ELP4: variants seen among roughly 807,000 people sequenced by gnomAD.
ELP4 encodes the protein elongator acetyltransferase complex subunit 4, also known as elongator complex protein 4.
In ELP4, 51 loss-of-function variants were observed where a neutral mutation model predicts 48.9. The observed-to-expected ratio is 1.04, with a 90% CI of 0.83 to 1.32. The LOEUF (loss-of-function observed/expected upper bound fraction) is 1.32. Among genes scored for constraint, ELP4 ranks in the 40% most tolerant of loss-of-function variants. The pLI is 0.00. For synonymous variants in ELP4, 210 were observed against 189.2 expected (o/e 1.11, Z -0.90); for missense variants, 519 against 514.6 (o/e 1.01, Z -0.08).
rs1261284646 is a variant in ELP4 at position 31,627,164 on chromosome 11, T to A, written c.708T>A (p.Tyr236Ter). 6.2e-7 allele frequency: 1 copy of A among 1,602,564 alleles called. No individual in the cohort carries two copies. The highest frequency in any genetic ancestry group is 1.1e-5 in the South Asian group (1 of 89,738). Reference protein sequence around the residue: ...KLLQFIQNIIYEEGFDGSNPQ... With the variant: ...KLLQFIQNII ...TTCAGTTTATCCAGAACATCATTTA[T>A]GAGGAAGGATTTGATGGATCCAATC... is the stretch of plus-strand genomic sequence containing the variant. The change falls in exon 6 of 10, where the codon TAT (tyrosine) becomes TAA (stop). Residue 236 changes from tyrosine to a stop codon, truncating the protein, a stop_gained. Coordinates refer to ENST00000640961, the MANE Select transcript of ELP4 (RefSeq NM_019040.5). LOFTEE classifies it high-confidence loss of function.
In ELP4 at chr11:31,623,335, A is replaced by G. The variant is rs1013032714; in HGVS notation, c.654-3775A>G. Among the ~76,000 whole-genome samples, 19 of 126,778 alleles carry G rather than the reference A, an allele frequency of 1.5e-4. 1 individual carries two copies. Among genetic ancestry groups the G allele is most frequent in the African/African-American group, 5.3e-4 (19 of 35,552 alleles). 83.2% of individuals were successfully genotyped at this position (126,778 alleles called of 152,430 possible). A position where few individuals can be genotyped will look rare whatever the true frequency, so the allele number is the denominator to read the frequency against. On this transcript the variant is annotated intron_variant, in intron 5 of 9. Coordinates refer to ENST00000640961, the MANE Select transcript of ELP4 (RefSeq NM_019040.5). ...AAACCAAAATTTTAGATGACAATAG[A>G]AGATATTTATTTTCAGCAAATATAT...
intron 9 of ELP4, among the ~76,000 whole-genome samples, chr11:31,781,488 CTTTTTTTTTTTTT>C (rs141365629): frequency 1.6e-4 from 11 of 67,436 alleles, no homozygotes; most frequent in Admixed American, 4.6e-4. Context: ...ATTCCTGAGC[CTTTTTTTTTTTTT>C]TTTTTTTTTT....
chr11:31,738,477 T>C (rs981500884), intron 9 of ELP4, among the ~76,000 whole-genome samples: 1 of 151,760 alleles, frequency 6.6e-6, no homozygotes, highest in African/African-American at 2.4e-5. Flanking sequence ...CCGACGCCTA[T>C]AATCCCAGCA....
intron 3 of ELP4, among the ~76,000 whole-genome samples, chr11:31,592,922 A>G (rs1486496693): frequency 1.3e-5 from 2 of 152,186 alleles, no homozygotes; most frequent in Non-Finnish European, 2.9e-5. Context: ...CCTATTTTCC[A>G]CAATAAGAGG....
chr11:31,740,908 A>C (rs940972768), intron 9 of ELP4, among the ~76,000 whole-genome samples: 1 of 152,250 alleles, frequency 6.6e-6, no homozygotes, highest in African/African-American at 2.4e-5. Flanking sequence ...CAGTGGGTGC[A>C]GCGCACCGTG....
rs375931456 is a variant in ELP4 at position 31,509,822 on chromosome 11, G to A, written c.38G>A (p.Ser13Asn). 6.2e-7 allele frequency: 1 copy of A among 1,614,054 alleles called. No homozygotes were observed. Among genetic ancestry groups the A allele is most frequent in the African/African-American group, 1.3e-5 (1 of 74,936 alleles). ...GCAACCTGCGGTAGTGTTGCCGCGA[G>A]TACTGGGTCTGCAGTGGCGACAGCC... ...AVATCGSVAA[S>N]TGSAVATASK... The change falls in exon 1 of 10, where the codon AGT becomes AAT. Residue 13 changes from serine to asparagine, a missense_variant. Physicochemically the swap from Ser to Asn is conservative, Grantham distance 46. Transcript: ENST00000640961.
chr11:31,741,883 A>G (rs1947460346), intron 9 of ELP4, among the ~76,000 whole-genome samples: 2 of 152,252 alleles, frequency 1.3e-5, no homozygotes, highest in African/African-American at 4.8e-5. Context: ...GCAACGGAAC[A>G]AAGCTGGACA....
chr11:31,715,091 G>A (rs1036760716), intron 9 of ELP4: 53 of 313,044 alleles, frequency 1.7e-4, no homozygotes, highest in Non-Finnish European at 2.6e-4. Flanking sequence ...GAACCACTTC[G>A]TTGGCTCAGA....
intron 9 of ELP4, among the ~76,000 whole-genome samples, chr11:31,761,074 A>G (rs183659706): frequency 1.3e-4 from 20 of 152,270 alleles, no homozygotes; most frequent in African/African-American, 4.8e-4. Flanking sequence ...TATCAACTCA[A>G]TGGCAAGGCT....
At chr11:31,755,618 T>G (rs956465534) in intron 9 of ELP4, among the ~76,000 whole-genome samples, 1 of 152,028 alleles carries the variant, frequency 6.6e-6, no homozygotes, top group African/African-American at 2.4e-5. Flanking sequence ...ATCAGTACTC[T>G]TTAGAGGTAT....
In ELP4 at chr11:31,783,463, C is replaced by A; in HGVS notation, c.1214C>A (p.Ala405Asp). 5.6e-6 allele frequency: 9 copies of A among 1,614,188 alleles called. No individual in the cohort carries two copies. The highest frequency in any genetic ancestry group is 7.6e-6 in the Non-Finnish European group (9 of 1,179,998). ...RSSKMDLAES[A>D]KRLGPGCGMM... ...AGCAAAATGGATCTGGCAGAATCCG[C>A]CAAGCGGCTGGGCCCAGGCTGTGGC... Residue 405 changes from alanine (A) to aspartate (D), a missense_variant, in exon 10 of 10, where the codon GCC becomes GAC. Transcript: ENST00000640961.
chr11:31,519,486 T>C (rs1479278140), intron 1 of ELP4, among the ~76,000 whole-genome samples: 1 of 152,212 alleles, frequency 6.6e-6, no homozygotes, highest in Admixed American at 6.5e-5. Flanking sequence ...TGTGTGGTTC[T>C]ATCATAGAAG....
chr11:31,597,117 C>A (rs1470533426), intron 4 of ELP4, among the ~76,000 whole-genome samples: 1 of 152,086 alleles, frequency 6.6e-6, no homozygotes, highest in Non-Finnish European at 1.5e-5. Context: ...AACATATATT[C>A]TTTGATTCTT....
chr11:31,631,343 G>C (rs898853651), intron 6 of ELP4, among the ~76,000 whole-genome samples: 1 of 152,088 alleles, frequency 6.6e-6, no homozygotes, highest in African/African-American at 2.4e-5. Flanking sequence ...ATGGCTTTAA[G>C]AGCAAACTTA....
At chr11:31,722,978 C>G (rs1001841232) in intron 9 of ELP4, among the ~76,000 whole-genome samples, 39 of 152,304 alleles carry the variant, frequency 2.6e-4, no homozygotes, top group Non-Finnish European at 4.6e-4. Context: ...TGCCCCAGCC[C>G]TCTCTGGATG....
intron 9 of ELP4, among the ~76,000 whole-genome samples, chr11:31,684,819 T>G (rs1050197306): frequency 1.3e-5 from 2 of 152,196 alleles, no homozygotes; most frequent in African/African-American, 4.8e-5. Flanking sequence ...CAATCTGATA[T>G]GAAAGACTGT....
chr11:31,774,166 CTG>C (rs1415083228), intron 9 of ELP4, among the ~76,000 whole-genome samples: 1 of 152,218 alleles, frequency 6.6e-6, no homozygotes, highest in Non-Finnish European at 1.5e-5. Flanking sequence ...CAAAGCGAGA[CTG>C]TCTCAAAATA....
At chr11:31,741,595 C>T (rs992602307) in intron 9 of ELP4, among the ~76,000 whole-genome samples, 3 of 152,148 alleles carry the variant, frequency 2.0e-5, no homozygotes, top group Non-Finnish European at 4.4e-5. Context: ...CACCAATATC[C>T]ACTGTTCTGC....
intron 7 of ELP4, among the ~76,000 whole-genome samples, chr11:31,638,190 A>G (rs1945021065): frequency 1.3e-5 from 2 of 151,894 alleles, no homozygotes; most frequent in Admixed American, 1.3e-4. Flanking sequence ...ATAAACAACA[A>G]TAATGCAAGA....
Sources: allele counts gnomAD v4.1 joint callset (sites outside exome capture counted in the v4.1 genomes callset), GRCh38; gene constraint gnomAD v4.1.1; transcripts MANE v1.5; gene names NCBI Gene and HGNC (gene_info 2026-07-23, HGNC 2026-07-21).